FNDC8: variants seen among roughly 807,000 people sequenced by gnomAD.
FNDC8 encodes fibronectin type III domain-containing protein 8.
A neutral mutation model predicts 24.8 loss-of-function variants in FNDC8; 23 were observed. The observed-to-expected ratio is 0.93, with a 90% CI of 0.67 to 1.31. FNDC8 has a LOEUF of 1.31. Among genes scored for constraint, FNDC8 ranks in the 40% most tolerant of loss-of-function variants. The pLI, the probability that FNDC8 is intolerant of heterozygous loss-of-function variation, is 0.00. For missense variants in FNDC8, 371 were observed against 398.2 expected, an observed-to-expected ratio of 0.93 and a Z score of 0.58; for synonymous variants, 158 against 165.3, an observed-to-expected ratio of 0.96 and a Z score of 0.34.
intron 1 of FNDC8, among the ~76,000 whole-genome samples, chr17:35,126,065 C>A (rs1246854277): frequency 6.6e-6 from 1 of 152,052 alleles, no homozygotes; most frequent in Non-Finnish European, 1.5e-5. Context: ...GAATTACAGG[C>A]AACCGCCACC....
chr17:35,129,168 GACCCC>G, intron 2 of FNDC8: 2 of 437,946 alleles, frequency 4.6e-6, no homozygotes, highest in Non-Finnish European at 4.2e-6. Flanking sequence ...AAGGGTTGAG[GACCCC>G]TGGCGTATAA....
In FNDC8 at chr17:35,130,460, A is replaced by G. The variant is rs755774636; in HGVS notation, c.*26A>G. 1 of 1,605,588 alleles carries G rather than the reference A, an allele frequency of 6.2e-7. No individual in the cohort carries two copies. The highest frequency in any genetic ancestry group is 8.5e-7 in the Non-Finnish European group (1 of 1,175,396). ...GGGGGAGGGCCCCAGGACACCCCTC[A>G]CCTACTTTCAGCTTCAACCCCAGGC... On this transcript the variant is annotated 3_prime_UTR_variant, in exon 4 of 4. Coordinates refer to ENST00000158009, the MANE Select transcript of FNDC8 (RefSeq NM_017559.4).
Position 35,130,286 on chromosome 17 carries a change from CAA to C in FNDC8, c.828_829del (p.Thr277ProfsTer4). The C allele has an allele frequency of 6.2e-7, 1 of 1,613,408 alleles. No individual in the cohort carries two copies. On this transcript the variant is annotated frameshift_variant, in exon 4 of 4. Transcript: ENST00000158009. LOFTEE classifies it high-confidence loss of function. ...GGTTTTCTTGTTTCACTTCAGTTTG[CAA>C]CCCTGGCCACTGACTTCAGCAGCTT...
intron 1 of FNDC8, among the ~76,000 whole-genome samples, chr17:35,126,497 CT>C (rs71147459): frequency 0.035 from 3,943 of 111,956 alleles, 240 homozygotes; most frequent in African/African-American, 0.094. Context: ...ATTTTCTAAG[CT>C]TTTTTTTTTT....
chr17:35,130,217 G>A, intron 3 of FNDC8, 65 bp from the exon 4 acceptor site: 3 of 1,577,804 alleles, frequency 1.9e-6, no homozygotes, highest in South Asian at 2.3e-5. Context: ...GGGTGATAGA[G>A]ACAGAGAGAG....
At chr17:35,124,656 A>G (rs2091842076) in intron 1 of FNDC8, among the ~76,000 whole-genome samples, 1 of 152,246 alleles carries the variant, frequency 6.6e-6, no homozygotes, top group Non-Finnish European at 1.5e-5. Context: ...GCATGTACTA[A>G]GTTGCCATGG....
rs777084608 is a variant in FNDC8 at position 35,127,258 on chromosome 17, C to A, written c.426C>A (p.Cys142Ter). The A allele has an allele frequency of 3.7e-6, 6 of 1,613,962 alleles. No individual in the cohort carries two copies. The highest frequency in any genetic ancestry group is 5.1e-6 in the Non-Finnish European group (6 of 1,179,928). The change falls in exon 2 of 4, where the codon TGC becomes TGA. Residue 142 changes from cysteine (C) to a stop codon, truncating the protein, a stop_gained. Transcript: ENST00000158009. LOFTEE classifies it high-confidence loss of function. ...NEDLALGPCP[C>*]PSKSQMATRG... is the part of the protein sequence containing the mutation. ...ACCTGGCGCTCGGCCCCTGCCCATG[C>A]CCATCGAAGTCCCAGATGGCCACAA... is the stretch of plus-strand genomic sequence containing the variant.
chr17:35,124,335 C>T (rs971191778), intron 1 of FNDC8, among the ~76,000 whole-genome samples: 29 of 152,038 alleles, frequency 1.9e-4, no homozygotes, highest in Non-Finnish European at 4.0e-4. Flanking sequence ...CGAGACCATC[C>T]TGGCCAACAT....
chr17:35,124,037 C>G (rs1459156447), intron 1 of FNDC8, among the ~76,000 whole-genome samples: 1 of 152,180 alleles, frequency 6.6e-6, no homozygotes, highest in Non-Finnish European at 1.5e-5. Context: ...AAATGTCCAC[C>G]AAGCGCTAGC....
In FNDC8 at chr17:35,130,323, C is replaced by G. The variant is rs2091869109; in HGVS notation, c.864C>G (p.Asn288Lys). ...LATDFSSFPE[N>K]YPIQITVRRK... is the part of the protein sequence containing the mutation. ...CTGACTTCAGCAGCTTTCCTGAGAACTACCCCATCCAGATCACCGTGCGGC... is the reference window on the plus strand; with the variant it reads ...CTGACTTCAGCAGCTTTCCTGAGAAGTACCCCATCCAGATCACCGTGCGGC... Residue 288 changes from asparagine to lysine, a missense_variant, in exon 4 of 4, where the codon AAC (asparagine) becomes AAG (lysine). Asn to Lys is a moderately conservative substitution (Grantham distance 94). Coordinates refer to ENST00000158009, the MANE Select transcript of FNDC8 (RefSeq NM_017559.4). The G allele has an allele frequency of 6.2e-7, 1 of 1,614,120 alleles. No homozygotes were observed. The highest frequency in any genetic ancestry group is 8.5e-7 in the Non-Finnish European group (1 of 1,179,986).
chr17:35,124,528 A>AAAATAAAT, intron 1 of FNDC8, among the ~76,000 whole-genome samples: 2 of 152,208 alleles, frequency 1.3e-5, no homozygotes, highest in East Asian at 3.9e-4. Flanking sequence ...CTCCATCTCA[A>AAAATAAAT]AAATAAATAA....
At chr17:35,125,966 G>C (rs1307474407) in intron 1 of FNDC8, among the ~76,000 whole-genome samples, 1 of 152,100 alleles carries the variant, frequency 6.6e-6, no homozygotes, top group Non-Finnish European at 1.5e-5. Flanking sequence ...TGTTGCCCAG[G>C]CTGGAGTGCA....
intron 2 of FNDC8, among the ~76,000 whole-genome samples, chr17:35,128,555 A>C (rs1055784781): frequency 2.0e-5 from 3 of 152,188 alleles, no homozygotes; most frequent in African/African-American, 7.2e-5. Flanking sequence ...GCTGTCACTT[A>C]ATTGCCGTAT....
At position 35,130,527 on chromosome 17, in the gene FNDC8, C is replaced by T. The variant is rs1165905362; in HGVS notation, c.*93C>T. On this transcript the variant is annotated 3_prime_UTR_variant, in exon 4 of 4. Coordinates refer to ENST00000158009, the MANE Select transcript of FNDC8 (RefSeq NM_017559.4). ...CATGAGACCTACCATACCACCAGCA[C>T]CCTGCGGGCCCGGGGTCTGGCAGAG... The T allele has an allele frequency of 3.0e-6, 4 of 1,348,974 alleles. No homozygotes were observed. The highest frequency in any genetic ancestry group is 2.4e-5 in the East Asian group (1 of 42,030). 83.6% of individuals were successfully genotyped at this position (1,348,974 alleles called of 1,614,324 possible).
At chr17:35,124,063 T>C (rs2091840230) in intron 1 of FNDC8, among the ~76,000 whole-genome samples, 1 of 152,226 alleles carries the variant, frequency 6.6e-6, no homozygotes, top group Non-Finnish European at 1.5e-5. Flanking sequence ...GGATCTGGGC[T>C]AATCAGGATT....
chr17:35,124,014 A>C (rs865834916), intron 1 of FNDC8, among the ~76,000 whole-genome samples: 1 of 152,210 alleles, frequency 6.6e-6, no homozygotes, highest in Non-Finnish European at 1.5e-5. Flanking sequence ...TTGGTGGGGG[A>C]ATCATTTATT....
At chr17:35,125,364 G>A (rs1207900595) in intron 1 of FNDC8, among the ~76,000 whole-genome samples, 2 of 150,446 alleles carry the variant, frequency 1.3e-5, no homozygotes, top group Non-Finnish European at 3.0e-5. Flanking sequence ...GCTTGAGCCT[G>A]GGAGTTTGTG....
intron 1 of FNDC8, among the ~76,000 whole-genome samples, chr17:35,122,190 A>T (rs1567738488): frequency 4.1e-5 from 1 of 24,498 alleles, no homozygotes; most frequent in Non-Finnish European, 6.8e-5. Context: ...ATATATATAT[A>T]TATATATATA....
At chr17:35,123,614 T>G (rs2091838545) in intron 1 of FNDC8, among the ~76,000 whole-genome samples, 1 of 152,138 alleles carries the variant, frequency 6.6e-6, no homozygotes, top group Non-Finnish European at 1.5e-5. Context: ...GGCACGCACC[T>G]GTTGTCCCAG....
Sources: gnomAD v4.1 joint callset for allele counts (sites outside exome capture counted in the v4.1 genomes callset) on GRCh38, gnomAD v4.1.1 for gene constraint, MANE v1.5 for transcripts, NCBI Gene and HGNC (gene_info 2026-07-23, HGNC 2026-07-21) for gene names.